Variants in CD86 observed in about 807,000 individuals in gnomAD.
CD86 encodes the protein T-lymphocyte activation antigen CD86.
In CD86, 11 loss-of-function variants were observed where a neutral mutation model predicts 32.1. The observed-to-expected ratio is 0.34, with a 90% CI of 0.22 to 0.57. The LOEUF (loss-of-function observed/expected upper bound fraction) is 0.57. Among genes scored for constraint, CD86 ranks in the 20% least tolerant of loss-of-function variants. The pLI is 0.86. For missense variants in CD86, 359 were observed against 398.4 expected (o/e 0.90, Z 0.84); for synonymous variants, 137 against 135.3 (o/e 1.01, Z -0.09).
intron 5 of CD86, 61 bp downstream of exon 5, chr3:122,109,469 G>T: frequency 6.3e-7 from 1 of 1,589,300 alleles, no homozygotes; most frequent in Non-Finnish European, 8.6e-7. Flanking sequence ...CAATCGGCTG[G>T]CTGCCTTCCG....
intron 5 of CD86, among the ~76,000 whole-genome samples, chr3:122,114,807 C>T: frequency 1.3e-5 from 2 of 151,992 alleles, no homozygotes; most frequent in Non-Finnish European, 2.9e-5. Flanking sequence ...AAATTAATAC[C>T]CATTCATAGT....
chr3:122,112,890 G>A (rs2107547834), intron 5 of CD86, among the ~76,000 whole-genome samples: 2 of 152,170 alleles, frequency 1.3e-5, no homozygotes, highest in Middle Eastern at 3.4e-3. Context: ...ACTAAACTAG[G>A]TGGTTTTTGG....
Position 122,119,994 on chromosome 3 carries a change from T to G in CD86, c.*460T>G, listed in dbSNP as rs1210165144. ...CTACCTCCTCAGTCTGGGTGGGACT[T>G]ATGTATTTATGACCTTATAGTGTTA... On this transcript the variant is annotated 3_prime_UTR_variant, in exon 7 of 7. Transcript: ENST00000330540. 5.9e-6 allele frequency: 1 copy of G among 170,286 alleles called. No individual in the cohort carries two copies. The highest frequency in any genetic ancestry group is 1.8e-4 in the East Asian group (1 of 5,550). The allele number at this position is 170,286 out of a possible 1,614,324, so 10.5% of individuals were successfully genotyped here. A position where few individuals can be genotyped will look rare whatever the true frequency, so the allele number is the denominator to read the frequency against.
chr3:122,088,260 C>A (rs1046652471), intron 1 of CD86, among the ~76,000 whole-genome samples: 9 of 126,462 alleles, frequency 7.1e-5, no homozygotes, highest in Admixed American at 1.7e-4. Flanking sequence ...TATTGAATTT[C>A]TTTTATTTTG....
At chr3:122,085,511 T>A (rs1008989442) in intron 1 of CD86, among the ~76,000 whole-genome samples, 1 of 152,124 alleles carries the variant, frequency 6.6e-6, no homozygotes, top group Non-Finnish European at 1.5e-5. Flanking sequence ...CCAGCGTGGG[T>A]TTAGGCTTCA....
At chr3:122,055,849 C>T (rs1321056019) in intron 1 of CD86, among the ~76,000 whole-genome samples, 5 of 151,602 alleles carry the variant, frequency 3.3e-5, no homozygotes, top group African/African-American at 9.7e-5. Context: ...TTTTGTCTAC[C>T]AGGGTCAGTT....
chr3:122,068,164 C>T (rs1025316398), intron 1 of CD86, among the ~76,000 whole-genome samples: 4 of 152,028 alleles, frequency 2.6e-5, no homozygotes, highest in Non-Finnish European at 4.4e-5. Flanking sequence ...AGTCATATTG[C>T]CTGTGTTCTA....
At chr3:122,089,702 T>C (rs1025480516) in intron 1 of CD86, among the ~76,000 whole-genome samples, 1 of 152,212 alleles carries the variant, frequency 6.6e-6, no homozygotes, top group Non-Finnish European at 1.5e-5. Flanking sequence ...TCTAGGAATA[T>C]AGCTTACTCC....
intron 1 of CD86, among the ~76,000 whole-genome samples, chr3:122,068,490 G>A (rs922788424): frequency 1.3e-5 from 2 of 152,094 alleles, no homozygotes; most frequent in Admixed American, 6.6e-5. Context: ...CTCAGAATAC[G>A]TAAATGCACA....
At chr3:122,057,901 A>G (rs1273103396) in intron 1 of CD86, among the ~76,000 whole-genome samples, 1 of 152,224 alleles carries the variant, frequency 6.6e-6, no homozygotes, top group Non-Finnish European at 1.5e-5. Context: ...GAGGGAGGAC[A>G]GTGCAGTGGC....
chr3:122,074,459 A>G (rs2072530637), intron 1 of CD86, among the ~76,000 whole-genome samples: 1 of 152,240 alleles, frequency 6.6e-6, no homozygotes. Context: ...TAACGTTTCA[A>G]TAAATAATGC....
At chr3:122,099,531 A>C (rs927320288) in intron 2 of CD86, among the ~76,000 whole-genome samples, 13 of 152,246 alleles carry the variant, frequency 8.5e-5, no homozygotes, top group African/African-American at 3.1e-4. Flanking sequence ...ACCAGTCCGC[A>C]CAACTGAATA....
intron 1 of CD86, chr3:122,086,625 G>T: frequency 2.1e-6 from 1 of 475,030 alleles, no homozygotes. Flanking sequence ...AGGTTAAAGT[G>T]GAGAAGTACT....
Position 122,103,858 on chromosome 3 carries a change from A to C in CD86, c.400+11A>C, listed in dbSNP as rs554894676. On this transcript the variant is annotated intron_variant, in intron 3 of 6. Coordinates refer to ENST00000330540, the MANE Select transcript of CD86 (RefSeq NM_175862.5). ...AACTGTCAGTGCTTGGTATGTGGTC[A>C]ATGGTGTGTGTTCAGATTCTTAGCC... 1.9e-5 allele frequency: 30 copies of C among 1,598,636 alleles called. No individual in the cohort carries two copies. In the South Asian group the frequency reaches 3.2e-4, roughly 17 times the overall value.
At chr3:122,076,563 C>A (rs2072558337) in intron 1 of CD86, among the ~76,000 whole-genome samples, 1 of 152,094 alleles carries the variant, frequency 6.6e-6, no homozygotes, top group Non-Finnish European at 1.5e-5. Flanking sequence ...AAGTGATGAC[C>A]CTGTGAGTCA....
chr3:122,066,923 G>C (rs1195767856), intron 1 of CD86, among the ~76,000 whole-genome samples: 1 of 152,116 alleles, frequency 6.6e-6, no homozygotes, highest in African/African-American at 2.4e-5. Flanking sequence ...AAAAAAAGAG[G>C]GTTCAGGCTC....
intron 1 of CD86, among the ~76,000 whole-genome samples, chr3:122,088,196 T>C (rs1037735379): frequency 1.3e-5 from 2 of 151,330 alleles, no homozygotes; most frequent in African/African-American, 2.4e-5. Context: ...TTTTTTTTTT[T>C]TTTTTTGTAG....
chr3:122,105,075 G>C lies in CD86; in HGVS notation c.401-1123G>C, dbSNP rs61573397. ...GAGAGCTGCTCCCTTTGAACCCTGTGTGATTTAAACTAGGCTGCAGGGCTT... is the reference window on the plus strand; with the variant it reads ...GAGAGCTGCTCCCTTTGAACCCTGTCTGATTTAAACTAGGCTGCAGGGCTT... On this transcript the variant is annotated intron_variant, in intron 3 of 6. Transcript: ENST00000330540. 2.8e-3 allele frequency among the ~76,000 whole-genome samples: 430 copies of C among 152,344 alleles called. 2 individuals are homozygous for C. Among genetic ancestry groups the C allele is most frequent in the African/African-American group, 8.8e-3 (365 of 41,572 alleles).
intron 1 of CD86, among the ~76,000 whole-genome samples, chr3:122,072,603 T>G (rs979455840): frequency 2.6e-5 from 4 of 152,206 alleles, no homozygotes; most frequent in Non-Finnish European, 4.4e-5. Context: ...TAAATTTGTT[T>G]GAGTTCATTG....
Sources: gnomAD v4.1 joint callset for allele counts (sites outside exome capture counted in the v4.1 genomes callset) on GRCh38, gnomAD v4.1.1 for gene constraint, MANE v1.5 for transcripts, NCBI Gene and HGNC (gene_info 2026-07-23, HGNC 2026-07-21) for gene names.